The following XKR6 variants were observed in gnomAD, a reference collection of about 807,000 sequenced individuals.
XKR6 encodes the protein XK related 6.
In XKR6, 22 loss-of-function variants were observed where a neutral mutation model predicts 56.7. The observed-to-expected ratio is 0.39, with a 90% confidence interval of 0.28 to 0.55. The LOEUF is 0.55. Ranked by LOEUF, XKR6 falls within the 20% of genes least tolerant of loss-of-function variation. The probability of loss-of-function intolerance (pLI) is 0.66; values close to 1 mark genes in which losing one functional copy is unlikely to be tolerated. For missense variants in XKR6, 852 were observed against 889.0 expected, an observed-to-expected ratio of 0.96 and a Z score of 0.53; for synonymous variants, 524 against 387.8, an observed-to-expected ratio of 1.35 and a Z score of -4.13.
intron 2 of XKR6, among the ~76,000 whole-genome samples, chr8:10,905,908 C>T (rs1000052895): frequency 1.3e-5 from 2 of 152,162 alleles, no homozygotes; most frequent in Admixed American, 6.5e-5. Flanking sequence ...CACTGTCTCC[C>T]GTCCTCGCCT....
chr8:11,173,366 TACAC>T lies in XKR6; in HGVS notation c.764+27206_764+27209del, dbSNP rs528628983. ...CTTAAAAAAAATATATATATATATA[TACAC>T]ACACACACACACACACAAATATATA... On this transcript the variant is annotated intron_variant, in intron 1 of 2. Coordinates refer to ENST00000416569, the MANE Select transcript of XKR6 (RefSeq NM_173683.4). 9.0e-5 allele frequency among the ~76,000 whole-genome samples: 13 copies of T among 143,974 alleles called. No individual in the cohort carries two copies. In the East Asian group the frequency reaches 1.0e-3, roughly 11 times the overall value. The allele number at this position is 143,974 out of a possible 152,430, so 94.5% of individuals were successfully genotyped here.
chr8:11,043,016 T>C (rs1173340899), intron 1 of XKR6, among the ~76,000 whole-genome samples: 1 of 152,144 alleles, frequency 6.6e-6, no homozygotes, highest in Non-Finnish European at 1.5e-5. Flanking sequence ...TGTGCTGCTG[T>C]AGTGCTCTTG....
chr8:11,106,649 G>T (rs1451515172), intron 1 of XKR6: 1 of 152,140 alleles, frequency 6.6e-6, no homozygotes, highest in Non-Finnish European at 1.5e-5. Context: ...AGGAGTTCAA[G>T]ATCAGCCTGG....
intron 1 of XKR6, among the ~76,000 whole-genome samples, chr8:11,002,228 C>A (rs928112531): frequency 1.4e-4 from 22 of 152,202 alleles, no homozygotes; most frequent in African/African-American, 5.3e-4. Context: ...CAAAGCCACT[C>A]CCCTCTGACT....
intron 1 of XKR6, chr8:11,124,373 A>G (rs1481421704): frequency 9.2e-6 from 2 of 217,490 alleles, no homozygotes; most frequent in African/African-American, 2.3e-5. Context: ...ATGTGAACAC[A>G]GTACACACAT....
chr8:11,097,559 G>A (rs1341541020), intron 1 of XKR6, among the ~76,000 whole-genome samples: 1 of 151,450 alleles, frequency 6.6e-6, no homozygotes, highest in African/African-American at 2.4e-5. Context: ...TGTAATCCCA[G>A]CACTTTGGGA....
intron 1 of XKR6, among the ~76,000 whole-genome samples, chr8:11,190,169 G>GA (rs1563206630): frequency 2.6e-5 from 2 of 75,506 alleles, no homozygotes; most frequent in Non-Finnish European, 2.9e-5. Context: ...AAAAAAGAAA[G>GA]AAAGAAAAGA....
At chr8:10,913,591 T>C (rs1344289636) in intron 2 of XKR6, among the ~76,000 whole-genome samples, 1 of 152,180 alleles carries the variant, frequency 6.6e-6, no homozygotes, top group African/African-American at 2.4e-5. Context: ...CCCTCTGCGA[T>C]AGAAGAGATC....
At chr8:11,197,404 G>A (rs1307280620) in intron 1 of XKR6, among the ~76,000 whole-genome samples, 1 of 152,142 alleles carries the variant, frequency 6.6e-6, no homozygotes, top group African/African-American at 2.4e-5. Flanking sequence ...ATACATCAAT[G>A]CAACAGGCAA....
chr8:11,079,444 C>T (rs568248684), intron 1 of XKR6, among the ~76,000 whole-genome samples: 4 of 152,194 alleles, frequency 2.6e-5, no homozygotes, highest in Admixed American at 6.5e-5. Flanking sequence ...ACTATTATCC[C>T]ATTTTTGTAA....
chr8:10,905,087 G>A (rs1042469269), intron 2 of XKR6, among the ~76,000 whole-genome samples: 1 of 152,122 alleles, frequency 6.6e-6, no homozygotes, highest in Non-Finnish European at 1.5e-5. Context: ...TCCCATCAGC[G>A]GGTAGCCAGG....
At chr8:11,103,012 TCAGAC>T (rs1162196316) in intron 1 of XKR6, among the ~76,000 whole-genome samples, 4 of 152,202 alleles carry the variant, frequency 2.6e-5, no homozygotes, top group Non-Finnish European at 4.4e-5. Flanking sequence ...TTTACTCCAC[TCAGAC>T]CAAATTCTCA....
chr8:11,011,288 C>A (rs1798493725), intron 1 of XKR6, among the ~76,000 whole-genome samples: 1 of 152,204 alleles, frequency 6.6e-6, no homozygotes, highest in Non-Finnish European at 1.5e-5. Flanking sequence ...GCACAGGAAC[C>A]ACCAGAAAGG....
intron 1 of XKR6, among the ~76,000 whole-genome samples, chr8:11,188,086 T>C (rs1304921557): frequency 6.6e-6 from 1 of 152,204 alleles, no homozygotes; most frequent in African/African-American, 2.4e-5. Context: ...GAGAGGTTTT[T>C]CAGGAATGTG....
chr8:11,079,807 A>G (rs1032125814), intron 1 of XKR6, among the ~76,000 whole-genome samples: 2 of 152,092 alleles, frequency 1.3e-5, no homozygotes, highest in Admixed American at 1.3e-4. Context: ...TCTACAAAAA[A>G]GTTTTAAAAA....
intron 1 of XKR6, among the ~76,000 whole-genome samples, chr8:11,198,614 C>A (rs887543655): frequency 6.6e-6 from 1 of 152,038 alleles, no homozygotes. Flanking sequence ...TTCCACTTTG[C>A]CAAGAAACAA....
intron 1 of XKR6, among the ~76,000 whole-genome samples, chr8:11,097,845 T>G (rs1586540912): frequency 7.0e-6 from 1 of 143,810 alleles, no homozygotes; most frequent in Non-Finnish European, 1.5e-5. Flanking sequence ...AAATGTAAAG[T>G]ATTACTAAAT....
intron 1 of XKR6, among the ~76,000 whole-genome samples, chr8:10,982,052 C>T (rs1797747388): frequency 6.6e-6 from 1 of 152,210 alleles, no homozygotes; most frequent in Non-Finnish European, 1.5e-5. Context: ...TTAGTTGCTA[C>T]CCCAACTTGA....
chr8:11,091,748 C>T (rs1798080425), intron 1 of XKR6, among the ~76,000 whole-genome samples: 1 of 152,148 alleles, frequency 6.6e-6, no homozygotes, highest in South Asian at 2.1e-4. Flanking sequence ...GGGTGAGTTA[C>T]CTGCATGTGA....
Sources: allele counts gnomAD v4.1 joint callset (sites outside exome capture counted in the v4.1 genomes callset), GRCh38; gene constraint gnomAD v4.1.1; transcripts MANE v1.5; gene names NCBI Gene and HGNC (gene_info 2026-07-23, HGNC 2026-07-21).